The following TNKS variants were observed in gnomAD, a reference collection of about 807,000 sequenced individuals.
The protein encoded by TNKS is poly [ADP-ribose] polymerase tankyrase-1.
In TNKS, 72 loss-of-function variants were observed where a neutral mutation model predicts 135.8. The ratio of observed to expected loss-of-function variants is 0.53; its 90% CI spans 0.44 to 0.64. The LOEUF (loss-of-function observed/expected upper bound fraction) is 0.64. TNKS is among the 30% of genes least tolerant of loss of function. TNKS has a pLI of 0.00. For missense variants in TNKS, 1,769 were observed against 1,674.0 expected, an observed-to-expected ratio of 1.06 and a Z score of -0.99; for synonymous variants, 849 against 649.3, an observed-to-expected ratio of 1.31 and a Z score of -4.68.
At chr8:9,664,793 C>T (rs1801910473) in intron 3 of TNKS, among the ~76,000 whole-genome samples, 1 of 152,128 alleles carries the variant, frequency 6.6e-6, no homozygotes, top group Non-Finnish European at 1.5e-5. Flanking sequence ...TAATAAAAGT[C>T]ACACGTTCAT....
intron 17 of TNKS, among the ~76,000 whole-genome samples, chr8:9,742,001 T>C (rs1050151443): frequency 2.6e-5 from 4 of 152,200 alleles, no homozygotes; most frequent in African/African-American, 9.7e-5. Flanking sequence ...AAATCCCTAC[T>C]ACTTAGCTCT....
intron 2 of TNKS, among the ~76,000 whole-genome samples, chr8:9,600,560 G>T (rs572856962): frequency 2.0e-5 from 3 of 152,036 alleles, no homozygotes; most frequent in Non-Finnish European, 4.4e-5. Context: ...CGATCTGTTG[G>T]TCTCGGCCTC....
intron 1 of TNKS, among the ~76,000 whole-genome samples, chr8:9,569,462 A>G (rs954741945): frequency 6.6e-6 from 1 of 152,230 alleles, no homozygotes; most frequent in Non-Finnish European, 1.5e-5. Flanking sequence ...GATACATGAT[A>G]CTATATAGTC....
chr8:9,567,618 C>T (rs1317862905), intron 1 of TNKS, among the ~76,000 whole-genome samples: 18 of 152,158 alleles, frequency 1.2e-4, no homozygotes, highest in African/African-American at 4.1e-4. Flanking sequence ...GGGGTTTCAC[C>T]GTGTTAGCGA....
rs1158986312 is a variant in TNKS, at chr8:9,779,686, G to A, written c.*2950G>A. On this transcript the variant is annotated 3_prime_UTR_variant, in exon 27 of 27. Coordinates refer to ENST00000310430, the MANE Select transcript of TNKS (RefSeq NM_003747.3). ...TCTCCTCATCTTGGGTCTTAAAAAA[G>A]GAGACCAGATACCTCCTAGCTTTTG... 6.6e-6 allele frequency: 1 copy of A among 152,104 alleles called. No homozygotes were observed. The highest frequency in any genetic ancestry group is 2.4e-5 in the African/African-American group (1 of 41,402). The allele number at this position is 152,104 out of a possible 1,614,324, so 9.4% of individuals were successfully genotyped here.
At chr8:9,579,563 G>C (rs945964149) in intron 1 of TNKS, among the ~76,000 whole-genome samples, 2 of 152,136 alleles carry the variant, frequency 1.3e-5, no homozygotes, top group African/African-American at 2.4e-5. Flanking sequence ...CTGCCTCCCA[G>C]GTTCAAGCGA....
intron 3 of TNKS, among the ~76,000 whole-genome samples, chr8:9,644,770 G>T (rs563154440): frequency 1.3e-5 from 2 of 151,934 alleles, no homozygotes; most frequent in East Asian, 1.9e-4. Context: ...TTTGACCTTG[G>T]TTTTTTTTAC....
chr8:9,743,394 T>C (rs1806073023), intron 17 of TNKS: 1 of 152,200 alleles, frequency 6.6e-6, no homozygotes, highest in African/African-American at 2.4e-5. Context: ...ATCTAGTCTT[T>C]CCTCTTCTGT....
At chr8:9,766,920 T>C (rs1181155445) in intron 25 of TNKS, among the ~76,000 whole-genome samples, 1 of 152,158 alleles carries the variant, frequency 6.6e-6, no homozygotes, top group Non-Finnish European at 1.5e-5. Flanking sequence ...ACAGAGCAGA[T>C]AACTAGGGGT....
chr8:9,714,010 C>T (rs1298862750), intron 11 of TNKS, among the ~76,000 whole-genome samples: 1 of 152,166 alleles, frequency 6.6e-6, no homozygotes, highest in Non-Finnish European at 1.5e-5. Context: ...GCTGCCTTCC[C>T]CTACTCTTGA....
chr8:9,609,538 A>G (rs1463735592), intron 2 of TNKS, among the ~76,000 whole-genome samples: 2 of 152,164 alleles, frequency 1.3e-5, no homozygotes, highest in African/African-American at 4.8e-5. Context: ...CATTGAAATG[A>G]CAGATTTTAT....
intron 3 of TNKS, among the ~76,000 whole-genome samples, chr8:9,638,500 A>C (rs2128775374): frequency 6.6e-6 from 1 of 152,362 alleles, no homozygotes; most frequent in Non-Finnish European, 1.5e-5. Flanking sequence ...GTGTATACAT[A>C]CATTTTACCT....
chr8:9,741,341 A>C (rs1805948493), intron 17 of TNKS, among the ~76,000 whole-genome samples: 1 of 152,214 alleles, frequency 6.6e-6, no homozygotes, highest in Admixed American at 6.5e-5. Flanking sequence ...CCATAGAATT[A>C]TAATAATGAA....
At position 9,556,302 on chromosome 8, in the gene TNKS, C is replaced by T. The variant is rs1222055045; in HGVS notation, c.363C>T (p.Ala121=). ...CCGCTGGGGTCGCTCCCAACCCAGC[C>T]GGCAGTGGCAGTAACAATTCACCGT... ...SSAAGVAPNP[A]GSGSNNSPSS... is the part of the protein sequence containing the mutation. The change falls in exon 1 of 27, where the codon GCC becomes GCT. Residue 121 remains alanine, a synonymous_variant. Transcript: ENST00000310430. 3.1e-6 allele frequency: 5 copies of T among 1,614,264 alleles called. No homozygotes were observed. The highest frequency in any genetic ancestry group is 4.5e-5 in the East Asian group (2 of 44,882).
At chr8:9,615,487 G>A in intron 2 of TNKS, 95 bp from the exon 3 acceptor site, 2 of 897,934 alleles carry the variant, frequency 2.2e-6, no homozygotes, top group Non-Finnish European at 3.2e-6. Context: ...TTTGTGCAAT[G>A]TATGTTTATG....
chr8:9,586,671 A>G (rs1326070385), intron 2 of TNKS, among the ~76,000 whole-genome samples: 5 of 151,876 alleles, frequency 3.3e-5, no homozygotes, highest in South Asian at 2.1e-4. Context: ...AGCCAGTATT[A>G]TAGAATTTAT....
intron 2 of TNKS, among the ~76,000 whole-genome samples, chr8:9,610,189 C>G (rs1004788774): frequency 1.3e-4 from 19 of 151,938 alleles, no homozygotes; most frequent in African/African-American, 4.1e-4. Flanking sequence ...AGTGGTAAAT[C>G]AACTTCAGAT....
At chr8:9,726,771 C>T in intron 13 of TNKS, 51 bp downstream of exon 13, 1 of 1,421,346 alleles carries the variant, frequency 7.0e-7, no homozygotes, top group Non-Finnish European at 9.8e-7. Flanking sequence ...CTTTGCTAAC[C>T]AATTCATTTT....
rs750201888 is a variant in TNKS at position 9,710,268 on chromosome 8, A to G, written c.1749+48A>G. 9 of 1,548,832 alleles carry G rather than the reference A, an allele frequency of 5.8e-6. No homozygotes were observed. In the East Asian group the frequency reaches 1.3e-4, roughly 23 times the overall value. ...GTGCCAGACTCAGCACTGAGCAGCCAGCTGCTCTTAACACTGCTTCTCTCT... is the reference window on the plus strand; with the variant it reads ...GTGCCAGACTCAGCACTGAGCAGCCGGCTGCTCTTAACACTGCTTCTCTCT... On this transcript the variant is annotated intron_variant, in intron 11 of 26. Coordinates refer to ENST00000310430, the MANE Select transcript of TNKS (RefSeq NM_003747.3).
Sources: allele counts gnomAD v4.1 joint callset (sites outside exome capture counted in the v4.1 genomes callset), GRCh38; gene constraint gnomAD v4.1.1; transcripts MANE v1.5; gene names NCBI Gene and HGNC (gene_info 2026-07-23, HGNC 2026-07-21).